Variants in BOD1L1 observed in about 807,000 individuals in gnomAD.
The protein encoded by BOD1L1 is biorientation of chromosomes in cell division 1 like 1.
In BOD1L1, 86 loss-of-function variants were observed where a neutral mutation model predicts 240.7. That is an observed-to-expected ratio of 0.36 (90% CI 0.30 to 0.43). BOD1L1 has a LOEUF of 0.43. Among genes scored for constraint, BOD1L1 ranks in the 20% least tolerant of loss-of-function variants. BOD1L1 has a pLI of 1.00. For synonymous variants in BOD1L1, 1,268 were observed against 1,272.3 expected (o/e 1.00, Z 0.07); for missense variants, 3,554 against 3,643.5 (o/e 0.98, Z 0.63).
chr4:13,624,074 G>A (rs893297848), intron 1 of BOD1L1: 11 of 151,650 alleles, frequency 7.3e-5, no homozygotes, highest in Admixed American at 3.9e-4. Context: ...GGTATTCAAT[G>A]AGAACAAATC....
chr4:13,605,045 T>G lies in BOD1L1; in HGVS notation c.1855A>C (p.Lys619Gln). 6.3e-7 allele frequency: 1 copy of G among 1,578,800 alleles called. No homozygotes were observed. Among genetic ancestry groups the G allele is most frequent in the Non-Finnish European group, 8.6e-7 (1 of 1,168,574 alleles). ...KEKISSSKEL[K>Q]HVHAKSEPSK... ...GGTTCACTTTTTGCATGAACATGCTTCAGCTCCTTTGAAGAAGAAATTTTT... is the reference window on the plus strand; with the variant it reads ...GGTTCACTTTTTGCATGAACATGCTGCAGCTCCTTTGAAGAAGAAATTTTT... The change falls in exon 10 of 26, where the codon AAG becomes CAG. Residue 619 changes from lysine to glutamine, a missense_variant. Lys to Gln is a moderately conservative substitution (Grantham distance 53). Transcript: ENST00000040738.
rs774100849 is a variant in BOD1L1, at chr4:13,614,466, G to A, written c.904C>T (p.Leu302=). The change falls in exon 4 of 26, where the codon CTG becomes TTG. Residue 302 remains leucine, a synonymous_variant. Transcript: ENST00000040738. ...TCCTGTTGAACATCCTTATTTAGCA[G>A]AATTAAATTATTATGCTCTTTTGTG... is the stretch of plus-strand genomic sequence containing the variant. The part of the protein sequence containing the change: ...NYTKEHNNLI[L]LNKDVQQESS... 11 of 1,613,198 alleles carry A rather than the reference G, an allele frequency of 6.8e-6. No homozygotes were observed. The highest frequency in any genetic ancestry group is 9.3e-6 in the Non-Finnish European group (11 of 1,179,678).
Position 13,604,062 on chromosome 4 carries a change from GTTC to G in BOD1L1, c.2835_2837del (p.Lys945del). 6.2e-7 allele frequency: 1 copy of G among 1,613,772 alleles called. No homozygotes were observed. Among genetic ancestry groups the G allele is most frequent in the Non-Finnish European group, 8.5e-7 (1 of 1,179,850 alleles). ...GTTTTTCTGAGTCATTTTCTTCTGT[GTTC>G]TTCTCCTTGTCTGGTTTTGGAGTGG... On this transcript the variant is annotated inframe_deletion, in exon 10 of 26. Transcript: ENST00000040738.
rs752177683 is a variant in BOD1L1 at position 13,599,226 on chromosome 4, C to T, written c.7674G>A (p.Gly2558=). 1.2e-6 allele frequency: 2 copies of T among 1,613,694 alleles called. No individual in the cohort carries two copies. The highest frequency in any genetic ancestry group is 1.7e-6 in the Non-Finnish European group (2 of 1,179,786). The change falls in exon 10 of 26, where the codon GGG becomes GGA. Residue 2558 remains glycine (G), a synonymous_variant. Transcript: ENST00000040738. ...TACTGGTTTTCAAGTTGTCTTCAGA[C>T]CCCTGCTGCTCAGCAGGAAGAAAGG... ...EHSFLPAEQQ[G]SEDNLKTSTT...
At chr4:13,580,914 G>T in intron 21 of BOD1L1, 106 bp downstream of exon 21, 1 of 1,063,918 alleles carries the variant, frequency 9.4e-7, no homozygotes, top group Non-Finnish European at 1.3e-6. Context: ...GTCTTTTAAA[G>T]CTTTTCAAGT....
At position 13,613,639 on chromosome 4, in the gene BOD1L1, A is replaced by T. The variant is rs1380744328; in HGVS notation, c.1197T>A (p.Asp399Glu). 15 of 1,557,258 alleles carry T rather than the reference A, an allele frequency of 9.6e-6. No homozygotes were observed. The Middle Eastern group carries it at 2.1e-3, about 215-fold the overall frequency. ...TKEDFSLIDS[D>E]VDGLTDITVS... Reference sequence around the variant, plus strand: ...CTGTGATGTCTGTAAGTCCATCCACATCAGAATCTATCAAAGAGAAATCTT... The same window carrying T: ...CTGTGATGTCTGTAAGTCCATCCACTTCAGAATCTATCAAAGAGAAATCTT... Residue 399 changes from aspartate (D) to glutamate (E), a missense_variant, in exon 5 of 26, where the codon GAT becomes GAA. By Grantham distance (45) the Asp-to-Glu change is conservative (BLOSUM62 2). Around this residue, in one of 2 missense-constraint regions of BOD1L1, gnomAD observed 3,393 missense variants for 3,427.1 expected, o/e 0.99. Transcript: ENST00000040738. The surrounding 1 kb of genome is among the most constrained non-coding windows in gnomAD (Gnocchi z 4.0).
chr4:13,585,881 G>A (rs966791963), intron 17 of BOD1L1, among the ~76,000 whole-genome samples: 1 of 152,104 alleles, frequency 6.6e-6, no homozygotes, highest in Non-Finnish European at 1.5e-5. Flanking sequence ...CTCCTCCTTT[G>A]CCTTCTACCA....
chr4:13,588,635 GAAAT>G, intron 15 of BOD1L1, 83 bp downstream of exon 15: 1 of 994,260 alleles, frequency 1.0e-6, no homozygotes, highest in South Asian at 1.6e-5. Flanking sequence ...TTTATACAAA[GAAAT>G]AAAGCCTTTC....
chr4:13,614,547 G>T lies in BOD1L1; in HGVS notation c.823C>A (p.Pro275Thr). The part of the protein sequence containing the change: ...DSGGEGLETA[P>T]KSEEFSDLPC... The stretch of plus-strand genomic sequence containing the variant: ...AGGTCGCTGAACTCTTCAGACTTTG[G>T]GGCTGTTTCCAGTCCTTCACCTCCA... The change falls in exon 4 of 26, where the codon CCA (proline) becomes ACA (threonine). Residue 275 changes from proline to threonine, a missense_variant. Around this residue, in one of 2 missense-constraint regions of BOD1L1, gnomAD observed 3,393 missense variants for 3,427.1 expected, o/e 0.99. Transcript: ENST00000040738. 6.2e-7 allele frequency: 1 copy of T among 1,613,838 alleles called. No individual in the cohort carries two copies. The highest frequency in any genetic ancestry group is 8.5e-7 in the Non-Finnish European group (1 of 1,179,864).
intron 14 of BOD1L1, 104 bp downstream of exon 14, chr4:13,590,282 G>A (rs1299889461): frequency 7.4e-6 from 4 of 541,072 alleles, no homozygotes; most frequent in East Asian, 3.5e-5. Flanking sequence ...AATTAAATGA[G>A]AGAAAGTATG....
At chr4:13,626,053 A>C (rs1256483269) in intron 1 of BOD1L1, 1 of 152,254 alleles carries the variant, frequency 6.6e-6, no homozygotes. Flanking sequence ...TAAACATACT[A>C]TGAGAAAACC....
rs960318949 is a variant in BOD1L1 at position 13,600,759 on chromosome 4, C to T, written c.6141G>A (p.Met2047Ile). The T allele has an allele frequency of 5.6e-6, 9 of 1,613,898 alleles. No homozygotes were observed. Among genetic ancestry groups the T allele is most frequent in the Non-Finnish European group, 7.6e-6 (9 of 1,179,900 alleles). The change falls in exon 10 of 26, where the codon ATG becomes ATA. Residue 2047 changes from methionine to isoleucine, a missense_variant. Physicochemically the swap from Met to Ile is conservative, Grantham distance 10. Transcript: ENST00000040738. Reference protein sequence around the residue: ...SVENEECDGLMATTASGDITN... With the variant: ...SVENEECDGLIATTASGDITN... ...TAATATCACCACTGGCTGTAGTTGC[C>T]ATGAGACCATCACACTCTTCATTTT...
rs1713338593 is a variant in BOD1L1 at position 13,582,738 on chromosome 4, T to A, written c.8434-2A>T. ...TTCCAAATCTCTGGAGTTCTCTTCC[T>A]ATAGAGAAGTTGAAAAAGACTAGAA... On this transcript the variant is annotated splice_acceptor_variant, in intron 17 of 25. Coordinates refer to ENST00000040738, the MANE Select transcript of BOD1L1 (RefSeq NM_148894.3). LOFTEE classifies it high-confidence loss of function. 1 of 1,594,846 alleles carries A rather than the reference T, an allele frequency of 6.3e-7. No homozygotes were observed. The highest frequency in any genetic ancestry group is 1.3e-5 in the African/African-American group (1 of 74,464).
intron 2 of BOD1L1, among the ~76,000 whole-genome samples, chr4:13,617,862 A>T (rs1047891509): frequency 1.7e-4 from 26 of 152,348 alleles, no homozygotes; most frequent in African/African-American, 6.0e-4. Context: ...CCACCCCTAT[A>T]CCTTCAGATT....
rs140183988 is a variant in BOD1L1 at position 13,607,971 on chromosome 4, G to A, written c.1742+559C>T. Among the ~76,000 whole-genome samples, 1,373 of 152,232 alleles carry A rather than the reference G, an allele frequency of 9.0e-3. 15 individuals carry two copies. The highest frequency in any genetic ancestry group is 0.029 in the African/African-American group (1,199 of 41,530). Reference sequence around the variant, plus strand: ...TAAATTTACATAAATGCAACTTGATGGAATAGCAAAATTGCAGCCCATGGC... The same window carrying A: ...TAAATTTACATAAATGCAACTTGATAGAATAGCAAAATTGCAGCCCATGGC... On this transcript the variant is annotated intron_variant, in intron 8 of 25. Transcript: ENST00000040738.
rs1458583473 is a variant in BOD1L1 at position 13,613,854 on chromosome 4, A to C, written c.1175-193T>G. ...AAAAATAACTAAACTATTAATTTAT[A>C]ATGTATGATATAATAATAAAATGAA... On this transcript the variant is annotated intron_variant, in intron 4 of 25. Coordinates refer to ENST00000040738, the MANE Select transcript of BOD1L1 (RefSeq NM_148894.3). This position sits in a 1 kb window ranked among gnomAD's most constrained non-coding sequence, Gnocchi z 4.0. Among the ~76,000 whole-genome samples the C allele has an allele frequency of 6.6e-6, 1 of 152,212 alleles. No individual in the cohort carries two copies. Among genetic ancestry groups the C allele is most frequent in the Non-Finnish European group, 1.5e-5 (1 of 68,028 alleles).
At chr4:13,581,991 A>G (rs552506527) in intron 19 of BOD1L1, among the ~76,000 whole-genome samples, 85 of 152,214 alleles carry the variant, frequency 5.6e-4, no homozygotes, top group Non-Finnish European at 9.4e-4. Context: ...CACTAAGCTG[A>G]TCCTATCTGG....
Position 13,569,106 on chromosome 4 carries a change from C to A in BOD1L1, c.*905G>T, listed in dbSNP as rs1711990395. ...ACATAAAATCCTGAAACTGGATAGA[C>A]AGGAGGGACCTAATCTTGAATGCAT... On this transcript the variant is annotated 3_prime_UTR_variant, in exon 26 of 26. Transcript: ENST00000040738. 6.6e-6 allele frequency: 1 copy of A among 152,114 alleles called. No homozygotes were observed. The highest frequency in any genetic ancestry group is 1.9e-4 in the East Asian group (1 of 5,192). The allele number at this position is 152,114 out of a possible 1,614,324, so 9.4% of individuals were successfully genotyped here. A position where few individuals can be genotyped will look rare whatever the true frequency, so the allele number is the denominator to read the frequency against.
chr4:13,603,906 C>T lies in BOD1L1; in HGVS notation c.2994G>A (p.Lys998=). 1 of 1,613,880 alleles carries T rather than the reference C, an allele frequency of 6.2e-7. No individual in the cohort carries two copies. The highest frequency in any genetic ancestry group is 8.5e-7 in the Non-Finnish European group (1 of 1,179,888). ...SSHRAKLPLA[K]EKYKSDKDST... ...AGTCTTTATCACTCTTATATTTCTC[C>T]TTTGCTAATGGTAACTTGGCTCTAT... Residue 998 remains lysine, a synonymous_variant, in exon 10 of 26, where the codon AAG becomes AAA. Transcript: ENST00000040738.
Sources: allele counts gnomAD v4.1 joint callset (sites outside exome capture counted in the v4.1 genomes callset), GRCh38; gene constraint gnomAD v4.1.1; regional missense constraint gnomAD v4.1.1; non-coding constraint Gnocchi (gnomAD v3.1); transcripts MANE v1.5; gene names NCBI Gene and HGNC (gene_info 2026-07-23, HGNC 2026-07-21).